The following SORCS2 variants were observed in gnomAD, a reference collection of about 807,000 sequenced individuals.
The protein encoded by SORCS2 is VPS10 domain-containing receptor SorCS2.
A neutral mutation model predicts 141.6 loss-of-function variants in SORCS2; 100 were observed. That is an observed-to-expected ratio of 0.71 (90% confidence interval 0.60 to 0.83). The LOEUF is 0.83. Among genes scored for constraint, SORCS2 ranks in the 40% least tolerant of loss-of-function variants. The probability of loss-of-function intolerance (pLI) is 0.00; values close to 1 mark genes in which losing one functional copy is unlikely to be tolerated. For synonymous variants in SORCS2, 789 were observed against 676.9 expected, an observed-to-expected ratio of 1.17 and a Z score of -2.57; for missense variants, 1,646 against 1,560.2, an observed-to-expected ratio of 1.05 and a Z score of -0.93.
At chr4:7,699,823 G>C (rs1724944062) in intron 12 of SORCS2, among the ~76,000 whole-genome samples, 1 of 152,186 alleles carries the variant, frequency 6.6e-6, no homozygotes, top group Non-Finnish European at 1.5e-5. Flanking sequence ...TGTTCCCCGA[G>C]ACAGAGAGCT....
intron 2 of SORCS2, chr4:7,434,680 C>T (rs1727166660): frequency 6.2e-6 from 10 of 1,612,566 alleles, no homozygotes; most frequent in Non-Finnish European, 8.5e-6. Flanking sequence ...TATGTCCTGG[C>T]ATACGTCGCA....
intron 2 of SORCS2, among the ~76,000 whole-genome samples, chr4:7,505,670 C>T (rs1484872702): frequency 1.3e-5 from 2 of 152,124 alleles, no homozygotes. Flanking sequence ...TCAGATACCC[C>T]CGAGAGCCTG....
At chr4:7,442,606 C>G (rs547550351) in intron 2 of SORCS2, among the ~76,000 whole-genome samples, 86 of 123,646 alleles carry the variant, frequency 7.0e-4, no homozygotes, top group African/African-American at 2.7e-3. Context: ...ACCATCCACC[C>G]CCTCCCCCAG....
intron 3 of SORCS2, among the ~76,000 whole-genome samples, chr4:7,590,525 T>C (rs184934350): frequency 7.2e-5 from 11 of 152,132 alleles, no homozygotes; most frequent in African/African-American, 2.7e-4. Context: ...GGCTGGGACG[T>C]TGGGTGTCAG....
At chr4:7,580,465 A>G (rs996374449) in intron 3 of SORCS2, among the ~76,000 whole-genome samples, 1 of 151,974 alleles carries the variant, frequency 6.6e-6, no homozygotes, top group Non-Finnish European at 1.5e-5. Context: ...ACTCCAGCCT[A>G]TGTGACACAG....
At chr4:7,404,086 G>T (rs1040467247) in intron 2 of SORCS2, among the ~76,000 whole-genome samples, 1 of 148,818 alleles carries the variant, frequency 6.7e-6, no homozygotes, top group Admixed American at 6.8e-5. Context: ...TGGGTTCTAC[G>T]TTCTGTTCCA....
rs2285779 is a variant in SORCS2 at position 7,723,858 on chromosome 4, G to A, written c.2586G>A (p.Glu862=). Residue 862 remains glutamate, a synonymous_variant, in exon 19 of 27, where the codon GAG becomes GAA. Coordinates refer to ENST00000507866, the MANE Select transcript of SORCS2 (RefSeq NM_020777.3). ...VRAENTAGHD[E]AVLFVQVNSP... ...CAGAGAACACGGCAGGCCACGATGAGGCGGTGCTCTTTGTCCAGGTCAACT... is the reference window on the plus strand; with the variant it reads ...CAGAGAACACGGCAGGCCACGATGAAGCGGTGCTCTTTGTCCAGGTCAACT... 2.6e-4 allele frequency: 411 copies of A among 1,610,060 alleles called. 6 individuals are homozygous for A. In the East Asian group the frequency reaches 8.6e-3, roughly 34 times the overall value.
intron 2 of SORCS2, among the ~76,000 whole-genome samples, chr4:7,464,839 C>T (rs144278410): frequency 1.3e-5 from 2 of 152,314 alleles, no homozygotes; most frequent in Non-Finnish European, 2.9e-5. Flanking sequence ...GAGGAGGGGC[C>T]TGAGAAATGC....
intron 2 of SORCS2, among the ~76,000 whole-genome samples, chr4:7,409,191 C>G (rs1278164154): frequency 6.6e-6 from 1 of 152,164 alleles, no homozygotes; most frequent in African/African-American, 2.4e-5. Context: ...TCTTCTCTGT[C>G]TGACTTGTTT....
At chr4:7,485,166 G>A (rs139342262) in intron 2 of SORCS2, among the ~76,000 whole-genome samples, 1 of 152,288 alleles carries the variant, frequency 6.6e-6, no homozygotes, top group East Asian at 1.9e-4. Flanking sequence ...TCACCTTCCA[G>A]GACATCACAG....
intron 1 of SORCS2, among the ~76,000 whole-genome samples, chr4:7,306,798 G>T (rs1184827757): frequency 6.6e-6 from 1 of 152,200 alleles, no homozygotes; most frequent in Non-Finnish European, 1.5e-5. Context: ...TCCCTGGAGG[G>T]GTGCAGGCAC....
chr4:7,307,842 AGT>A (rs1020668658), intron 1 of SORCS2, among the ~76,000 whole-genome samples: 6 of 150,046 alleles, frequency 4.0e-5, no homozygotes, highest in Admixed American at 6.6e-5. Context: ...TGTGTGCATG[AGT>A]GTGTGTGCTT....
intron 1 of SORCS2, among the ~76,000 whole-genome samples, chr4:7,263,521 C>G (rs1427624576): frequency 1.3e-5 from 2 of 152,198 alleles, no homozygotes; most frequent in Non-Finnish European, 2.9e-5. Flanking sequence ...GATTGCGAAC[C>G]TGCTGTGTGT....
At chr4:7,215,988 C>T (rs993136653) in intron 1 of SORCS2, among the ~76,000 whole-genome samples, 1 of 151,954 alleles carries the variant, frequency 6.6e-6, no homozygotes, top group African/African-American at 2.4e-5. Context: ...CCCTTCCACA[C>T]TGTGGAAGCT....
intron 1 of SORCS2, among the ~76,000 whole-genome samples, chr4:7,258,626 T>C (rs912842976): frequency 1.3e-5 from 2 of 152,252 alleles, no homozygotes; most frequent in African/African-American, 4.8e-5. Flanking sequence ...TGTGTCTTTA[T>C]AGTAGAATGA....
chr4:7,712,319 C>G (rs1725872947), intron 14 of SORCS2, among the ~76,000 whole-genome samples: 1 of 152,204 alleles, frequency 6.6e-6, no homozygotes, highest in South Asian at 2.1e-4. Context: ...CAGGGAGAAG[C>G]CAGACAGCTG....
rs1720839520 is a variant in SORCS2, at chr4:7,642,925, A to C, written c.813+4433A>C. Among the ~76,000 whole-genome samples, 4 of 152,222 alleles carry C rather than the reference A, an allele frequency of 2.6e-5. No homozygotes were observed. In the South Asian group the frequency reaches 8.3e-4, roughly 32 times the overall value. On this transcript the variant is annotated intron_variant, in intron 4 of 26. Coordinates refer to ENST00000507866, the MANE Select transcript of SORCS2 (RefSeq NM_020777.3). The stretch of plus-strand genomic sequence containing the variant: ...CTTTGACCTGGAAAACATCACATCT[A>C]CTCACACAGCATCGGCCAAAGCAAG...
At chr4:7,502,607 C>T (rs183499680) in intron 2 of SORCS2, among the ~76,000 whole-genome samples, 351 of 152,340 alleles carry the variant, frequency 2.3e-3, no homozygotes, top group Non-Finnish European at 3.9e-3. Context: ...CACCTTGTCC[C>T]TTCCCATAAC....
intron 3 of SORCS2, among the ~76,000 whole-genome samples, chr4:7,621,835 C>T (rs185465660): frequency 7.2e-5 from 11 of 152,286 alleles, no homozygotes; most frequent in Non-Finnish European, 1.5e-4. Context: ...CTCTGAAAAG[C>T]GGGGCTGGCA....
Sources: allele counts gnomAD v4.1 joint callset (sites outside exome capture counted in the v4.1 genomes callset), GRCh38; gene constraint gnomAD v4.1.1; transcripts MANE v1.5; gene names NCBI Gene and HGNC (gene_info 2026-07-23, HGNC 2026-07-21).